Variants in MAD1L1 observed in about 807,000 individuals in gnomAD.
MAD1L1 encodes mitotic arrest deficient 1 like 1, also known as mitotic spindle assembly checkpoint protein MAD1.
MAD1L1 carries 95 observed loss-of-function variants against 96.9 expected under a neutral mutation model. The ratio of observed to expected loss-of-function variants is 0.98; its 90% CI spans 0.83 to 1.16. The LOEUF (loss-of-function observed/expected upper bound fraction) is 1.16, where lower values mean the gene tolerates loss of function less well. MAD1L1 is among the 50% of genes most tolerant of loss of function. The pLI, the probability that MAD1L1 is intolerant of heterozygous loss-of-function variation, is 0.00. For synonymous variants in MAD1L1, 473 were observed against 396.6 expected (o/e 1.19, Z -2.29); for missense variants, 1,007 against 954.4 (o/e 1.06, Z -0.73).
At chr7:1,831,638 G>A (rs1289233955) in intron 18 of MAD1L1, among the ~76,000 whole-genome samples, 29 of 152,336 alleles carry the variant, frequency 1.9e-4, no homozygotes, top group Admixed American at 1.3e-3. Flanking sequence ...GGAGAAGTTC[G>A]TAAAGGAAAT....
At chr7:1,870,603 C>A in intron 18 of MAD1L1, among the ~76,000 whole-genome samples, 1 of 149,592 alleles carries the variant, frequency 6.7e-6, no homozygotes, top group African/African-American at 2.5e-5. Context: ...CACCGTAACA[C>A]CTGCCACGCT....
intron 14 of MAD1L1, among the ~76,000 whole-genome samples, chr7:2,001,480 C>T (rs948844412): frequency 1.6e-4 from 24 of 152,372 alleles, no homozygotes; most frequent in African/African-American, 5.8e-4. Context: ...CCCCACGGGC[C>T]CACACTGCGG....
chr7:1,987,324 C>T (rs968458193), intron 14 of MAD1L1, among the ~76,000 whole-genome samples: 16 of 152,246 alleles, frequency 1.1e-4, no homozygotes, highest in Non-Finnish European at 5.9e-5. Flanking sequence ...ACAGTCGGTG[C>T]TTGGACGGGC....
intron 12 of MAD1L1, among the ~76,000 whole-genome samples, chr7:2,061,793 G>T (rs999976926): frequency 6.6e-6 from 1 of 152,232 alleles, no homozygotes; most frequent in African/African-American, 2.4e-5. Context: ...TTAAAAAGTG[G>T]TATTTTTATA....
chr7:2,004,830 C>A (rs1781959297), intron 13 of MAD1L1, among the ~76,000 whole-genome samples: 1 of 152,250 alleles, frequency 6.6e-6, no homozygotes, highest in East Asian at 1.9e-4. Context: ...CCCATTCAGC[C>A]TAGCACTTCC....
At chr7:2,054,471 C>T (rs2075959065) in intron 12 of MAD1L1, among the ~76,000 whole-genome samples, 1 of 152,160 alleles carries the variant, frequency 6.6e-6, no homozygotes, top group Non-Finnish European at 1.5e-5. Context: ...CAGCCAGGTC[C>T]AGCTCCCTCT....
intron 18 of MAD1L1, among the ~76,000 whole-genome samples, chr7:1,871,746 G>A (rs1216454749): frequency 4.0e-5 from 6 of 150,060 alleles, no homozygotes; most frequent in Non-Finnish European, 5.9e-5. Flanking sequence ...CCCAACATAC[G>A]CCTGCCACGC....
chr7:1,873,890 G>C (rs1785239517), intron 18 of MAD1L1, among the ~76,000 whole-genome samples: 1 of 152,202 alleles, frequency 6.6e-6, no homozygotes, highest in African/African-American at 2.4e-5. Context: ...GAGAATGGAT[G>C]CTGAGCCCAT....
At chr7:2,052,878 G>A (rs1253229068) in intron 12 of MAD1L1, among the ~76,000 whole-genome samples, 1 of 152,024 alleles carries the variant, frequency 6.6e-6, no homozygotes, top group African/African-American at 2.4e-5. Flanking sequence ...GGACCTCCGG[G>A]GCCATGGGGA....
chr7:2,096,544 T>C (rs977292056), intron 11 of MAD1L1, among the ~76,000 whole-genome samples: 3 of 151,132 alleles, frequency 2.0e-5, no homozygotes, highest in Admixed American at 6.6e-5. Context: ...GTGTGTGCAT[T>C]GGGCAGGGCG....
At chr7:2,150,447 GC>G (rs1411828055) in intron 10 of MAD1L1, among the ~76,000 whole-genome samples, 1 of 152,054 alleles carries the variant, frequency 6.6e-6, no homozygotes, top group Non-Finnish European at 1.5e-5. Flanking sequence ...CTACCCATGG[GC>G]CCCCGAAACC....
At chr7:2,228,340 C>T (rs1410995995) in intron 3 of MAD1L1, among the ~76,000 whole-genome samples, 1 of 152,066 alleles carries the variant, frequency 6.6e-6, no homozygotes, top group Non-Finnish European at 1.5e-5. Context: ...CTCACTGCAA[C>T]CTCCGCCTCC....
At chr7:1,900,420 C>T (rs577691609) in intron 17 of MAD1L1, among the ~76,000 whole-genome samples, 1 of 152,314 alleles carries the variant, frequency 6.6e-6, no homozygotes, top group East Asian at 1.9e-4. Context: ...TCAGCCCTCG[C>T]CCCAACCTGG....
At chr7:2,100,812 G>T (rs527894490) in intron 11 of MAD1L1, among the ~76,000 whole-genome samples, 56 of 152,360 alleles carry the variant, frequency 3.7e-4, no homozygotes, top group African/African-American at 1.3e-3. Flanking sequence ...GAGGGGAACA[G>T]CTCGTTGCCC....
chr7:2,081,791 G>A (rs950710492), intron 11 of MAD1L1, among the ~76,000 whole-genome samples: 2 of 152,236 alleles, frequency 1.3e-5, no homozygotes, highest in East Asian at 1.9e-4. Flanking sequence ...GGGGAAGGCC[G>A]CCTGGCCTAG....
rs966331463 is a variant in MAD1L1, at chr7:2,103,815, A to G, written c.1074-34477T>C. ...TCCCTCCGCATCCCCAGGCAGAGGG[A>G]CAGTCTCACAGGTGGTGTCCGGACT... On this transcript the variant is annotated intron_variant, in intron 11 of 18. Transcript: ENST00000265854. The surrounding 1 kb of genome is among the most constrained non-coding windows in gnomAD (Gnocchi z 4.3). Among the ~76,000 whole-genome samples the G allele has an allele frequency of 1.1e-4, 16 of 152,188 alleles. No individual in the cohort carries two copies. Among genetic ancestry groups the G allele is most frequent in the Non-Finnish European group, 1.9e-4 (13 of 68,026 alleles).
At chr7:2,167,279 A>G (rs373314953) in intron 10 of MAD1L1, among the ~76,000 whole-genome samples, 1 of 152,118 alleles carries the variant, frequency 6.6e-6, no homozygotes, top group Non-Finnish European at 1.5e-5. Context: ...CGGGCGCGGC[A>G]GCTCATGCCT....
intron 18 of MAD1L1, among the ~76,000 whole-genome samples, chr7:1,863,937 A>G (rs959584252): frequency 3.3e-5 from 5 of 152,090 alleles, no homozygotes; most frequent in African/African-American, 1.2e-4. Flanking sequence ...AAATACAAAA[A>G]ATTAGCCAGG....
intron 16 of MAD1L1, among the ~76,000 whole-genome samples, chr7:1,947,267 C>A (rs1779272619): frequency 6.6e-6 from 1 of 152,220 alleles, no homozygotes; most frequent in African/African-American, 2.4e-5. Flanking sequence ...GAGGCTGCCT[C>A]CAGCAAGGCC....
Sources: allele counts gnomAD v4.1 joint callset (sites outside exome capture counted in the v4.1 genomes callset), GRCh38; gene constraint gnomAD v4.1.1; non-coding constraint Gnocchi (gnomAD v3.1); transcripts MANE v1.5; gene names NCBI Gene and HGNC (gene_info 2026-07-23, HGNC 2026-07-21).